PAX9: variants seen among roughly 807,000 people sequenced by gnomAD.
The protein encoded by PAX9 is paired box 9.
A neutral mutation model predicts 29.1 loss-of-function variants in PAX9; 6 were observed. The observed-to-expected ratio is 0.21, with a 90% CI of 0.11 to 0.41. The LOEUF (loss-of-function observed/expected upper bound fraction) is 0.41, where lower values mean the gene tolerates loss of function less well. PAX9 is among the 10% of genes least tolerant of loss of function. PAX9 has a pLI of 1.00. For missense variants in PAX9, 443 were observed against 479.1 expected, an observed-to-expected ratio of 0.92 and a Z score of 0.70; for synonymous variants, 217 against 211.7, an observed-to-expected ratio of 1.03 and a Z score of -0.22.
rs1210761696 is a variant in PAX9, at chr14:36,678,913, G to A, written c.*2461G>A. 8 of 978,064 alleles carry A rather than the reference G, an allele frequency of 8.2e-6. No homozygotes were observed. The highest frequency in any genetic ancestry group is 6.1e-5 in the Admixed American group (1 of 16,408). The allele number at this position is 978,064 out of a possible 1,614,324, so 60.6% of individuals were successfully genotyped here. On this transcript the variant is annotated 3_prime_UTR_variant, in exon 4 of 4. Transcript: ENST00000361487. ...GATTTAAAGCCACTTTTTAAAATAC[G>A]AGAAGGAAAATAGGATGGATTAAAG...
chr14:36,661,258 G>C (rs894997369), upstream of PAX9, among the ~76,000 whole-genome samples: 24 of 152,238 alleles, frequency 1.6e-4, no homozygotes, highest in African/African-American at 4.6e-4. Context: ...GGAAGCTGGC[G>C]GTAGGAGGAA....
intron 3 of PAX9, among the ~76,000 whole-genome samples, chr14:36,675,220 GA>G (rs1049076712): frequency 6.6e-6 from 1 of 152,122 alleles, no homozygotes; most frequent in African/African-American, 2.4e-5. Context: ...AAATTGAGGG[GA>G]AAAAATTAGA....
At chr14:36,666,684 T>C in intron 3 of PAX9, 83 bp downstream of exon 3, 1 of 1,502,594 alleles carries the variant, frequency 6.7e-7, no homozygotes, top group Non-Finnish European at 9.1e-7. Flanking sequence ...GGTCCCTTTC[T>C]GAGCTTCCCG....
chr14:36,662,694 A>G, intron 1 of PAX9: 2 of 623,018 alleles, frequency 3.2e-6, no homozygotes. Flanking sequence ...CACGGCAGGA[A>G]TGAGGGAGGG....
intron 2 of PAX9, chr14:36,665,867 A>C (rs971927667): frequency 1.3e-5 from 2 of 153,288 alleles, no homozygotes; most frequent in Non-Finnish European, 2.9e-5. Context: ...ACAAAGCAGA[A>C]ATCTGTGCAT....
rs1190308883 is a variant in PAX9 at position 36,668,266 on chromosome 14, A to G, written c.771+1665A>G. ...GGCGCTCAGTGCTTTTTATTAGGTC[A>G]TCATTGATTGGAATAACATTGTGAA... is the stretch of plus-strand genomic sequence containing the variant. On this transcript the variant is annotated intron_variant, in intron 3 of 3. Transcript: ENST00000361487. 3.9e-5 allele frequency among the ~76,000 whole-genome samples: 6 copies of G among 152,218 alleles called. No individual in the cohort carries two copies. In the East Asian group the frequency reaches 1.2e-3, roughly 29 times the overall value.
upstream of PAX9, among the ~76,000 whole-genome samples, chr14:36,659,946 C>T (rs1247849670): frequency 2.0e-5 from 3 of 152,206 alleles, no homozygotes; most frequent in Non-Finnish European, 2.9e-5. Flanking sequence ...CGTATGCGAA[C>T]ATCCTTGTAC....
intron 3 of PAX9, among the ~76,000 whole-genome samples, chr14:36,673,856 T>C (rs1241420544): frequency 6.6e-6 from 1 of 152,234 alleles, no homozygotes; most frequent in Non-Finnish European, 1.5e-5. Flanking sequence ...AGATTTTTAT[T>C]ATTTTAGAAG....
chr14:36,676,805 T>C lies in PAX9; in HGVS notation c.*353T>C, dbSNP rs530578050. On this transcript the variant is annotated 3_prime_UTR_variant, in exon 4 of 4. Coordinates refer to ENST00000361487, the MANE Select transcript of PAX9 (RefSeq NM_001372076.1). Reference sequence around the variant, plus strand: ...TCTTTGGTAAAACCACATGTGTATATTTATTCTAAATCAACCTGAACTTTT... The same window carrying C: ...TCTTTGGTAAAACCACATGTGTATACTTATTCTAAATCAACCTGAACTTTT... 1.8e-4 allele frequency: 53 copies of C among 300,564 alleles called. 1 individual carries two copies. The highest frequency in any genetic ancestry group is 3.3e-4 in the Non-Finnish European group (51 of 156,274). 18.6% of individuals were successfully genotyped at this position (300,564 alleles called of 1,614,324 possible). A position where few individuals can be genotyped will look rare whatever the true frequency, so the allele number is the denominator to read the frequency against.
At chr14:36,671,720 A>T (rs1594472766) in intron 3 of PAX9, among the ~76,000 whole-genome samples, 1 of 152,194 alleles carries the variant, frequency 6.6e-6, no homozygotes, top group African/African-American at 2.4e-5. Context: ...AGTTACTTTT[A>T]AAAAATTGGT....
intron 3 of PAX9, among the ~76,000 whole-genome samples, chr14:36,675,481 T>C (rs1881851653): frequency 6.6e-6 from 1 of 152,218 alleles, no homozygotes. Flanking sequence ...CCAAAAACTT[T>C]GCAAGCAAAA....
intron 2 of PAX9, among the ~76,000 whole-genome samples, chr14:36,664,849 A>G (rs1308915498): frequency 1.3e-5 from 2 of 152,082 alleles, no homozygotes; most frequent in Non-Finnish European, 2.9e-5. Context: ...TCTGACTGCA[A>G]GTTTACAAGA....
At chr14:36,674,827 CCTCT>C (rs1881824664) in intron 3 of PAX9, among the ~76,000 whole-genome samples, 1 of 152,112 alleles carries the variant, frequency 6.6e-6, no homozygotes, top group African/African-American at 2.4e-5. Context: ...AAGGCTAACC[CCTCT>C]AATATTTTTC....
intron 2 of PAX9, among the ~76,000 whole-genome samples, chr14:36,665,167 G>GAA (rs67344124): frequency 0.032 from 2,827 of 87,682 alleles, 68 homozygotes; most frequent in African/African-American, 0.07. Context: ...GAGACATAGT[G>GAA]AAAAAAAAAA....
intron 3 of PAX9, among the ~76,000 whole-genome samples, chr14:36,671,317 AC>A (rs1342229163): frequency 6.6e-6 from 1 of 152,114 alleles, no homozygotes; most frequent in African/African-American, 2.4e-5. Flanking sequence ...CATTTGCCAT[AC>A]CAGTTTTATG....
rs915462440 is a variant in PAX9, at chr14:36,679,100, A to G, written c.*2648A>G. ...AGGTTCAATTTCATGACCTCTATGC[A>G]GGCAGCGCTCTCATTGGATGTAAGA... On this transcript the variant is annotated 3_prime_UTR_variant, in exon 4 of 4. Coordinates refer to ENST00000361487, the MANE Select transcript of PAX9 (RefSeq NM_001372076.1). 5 of 985,318 alleles carry G rather than the reference A, an allele frequency of 5.1e-6. No individual in the cohort carries two copies. In the African/African-American group the frequency reaches 5.2e-5, roughly 10 times the overall value. 61.0% of individuals were successfully genotyped at this position (985,318 alleles called of 1,614,324 possible). A position where few individuals can be genotyped will look rare whatever the true frequency, so the allele number is the denominator to read the frequency against.
intron 2 of PAX9, 63 bp downstream of exon 2, chr14:36,663,586 C>G: frequency 6.3e-7 from 1 of 1,593,324 alleles, no homozygotes; most frequent in Non-Finnish European, 8.6e-7. Context: ...TCGCGGAGGT[C>G]CCAGTATCTG....
In PAX9 at chr14:36,666,573, C is replaced by A; in HGVS notation, c.743C>A (p.Ala248Asp). 6.4e-7 allele frequency: 1 copy of A among 1,574,244 alleles called. No individual in the cohort carries two copies. Among genetic ancestry groups the A allele is most frequent in the Non-Finnish European group, 8.6e-7 (1 of 1,159,690 alleles). The change falls in exon 3 of 4, where the codon GCC becomes GAC. Residue 248 changes from alanine (A) to aspartate (D), a missense_variant. By Grantham distance (126) the Ala-to-Asp change is moderately radical (BLOSUM62 -2). This residue lies in a region of PAX9 where 336 missense variants were observed against 317.2 expected (regional missense o/e 1.06). Transcript: ENST00000361487. ...GCGGTGAACGGGTTGGAGAAGGGAG[C>A]CCTGGAGCAGGAAGCCAAGTACGGT... ...PHAVNGLEKG[A>D]LEQEAKYGQA... is the part of the protein sequence containing the mutation.
chr14:36,670,438 G>A (rs1054649314), intron 3 of PAX9, among the ~76,000 whole-genome samples: 1 of 152,032 alleles, frequency 6.6e-6, no homozygotes, highest in Non-Finnish European at 1.5e-5. Flanking sequence ...TTGAAGTGAA[G>A]ATAGTCTTCT....
Sources: allele counts gnomAD v4.1 joint callset (sites outside exome capture counted in the v4.1 genomes callset), GRCh38; gene constraint gnomAD v4.1.1; regional missense constraint gnomAD v4.1.1; transcripts MANE v1.5; gene names NCBI Gene and HGNC (gene_info 2026-07-23, HGNC 2026-07-21).